SCML2: variants seen among roughly 807,000 people sequenced by gnomAD.
SCML2 encodes Scm polycomb group protein like 2.
In SCML2, 6 loss-of-function variants were observed where a neutral mutation model predicts 48.4. That is an observed-to-expected ratio of 0.12 (90% CI 0.07 to 0.24). SCML2 has a LOEUF of 0.24. Among genes scored for constraint, SCML2 ranks in the 10% least tolerant of loss-of-function variants. SCML2 has a pLI of 1.00. For missense variants in SCML2, 377 were observed against 528.2 expected (o/e 0.71, Z 2.81); for synonymous variants, 181 against 189.5 (o/e 0.95, Z 0.37).
At chrX:18,343,760 C>CAAAAAAAAAAAAA (rs1196514399) in intron 1 of SCML2, among the ~76,000 whole-genome samples, 2 of 38,462 alleles carry the variant, frequency 5.2e-5, no homozygotes, top group African/African-American at 9.5e-5. Context: ...GACTCTGTCT[C>CAAAAAAAAAAAAA]AAAAAAAAAA....
intron 8 of SCML2, among the ~76,000 whole-genome samples, chrX:18,263,837 C>T (rs1467886370): frequency 9.4e-6 from 1 of 106,534 alleles, no homozygotes; most frequent in Non-Finnish European, 1.9e-5. Context: ...TTCCTTTCAG[C>T]CCTTTAAAGA....
intron 6 of SCML2, among the ~76,000 whole-genome samples, chrX:18,315,175 A>G (rs1037078280): frequency 9.2e-6 from 1 of 109,100 alleles, no homozygotes; most frequent in South Asian, 4.0e-4. Flanking sequence ...TGGAGGATTT[A>G]ACATCTGACT....
rs183530140 is a variant in SCML2 at position 18,344,913 on chromosome X, C to T, written c.-25+9679G>A. ...AGAGATTCAATGATAATGGTGTTGGCAGTGGTGATACTACTACTCAGATCT... is the reference window on the plus strand; with the variant it reads ...AGAGATTCAATGATAATGGTGTTGGTAGTGGTGATACTACTACTCAGATCT... On this transcript the variant is annotated intron_variant, in intron 1 of 14. Transcript: ENST00000251900. Among the ~76,000 whole-genome samples the T allele has an allele frequency of 1.0e-3, 113 of 111,215 alleles. 1 individual carries two copies. Among genetic ancestry groups the T allele is most frequent in the African/African-American group, 3.4e-3 (105 of 30,670 alleles).
intron 7 of SCML2, among the ~76,000 whole-genome samples, chrX:18,279,649 T>C (rs1391844600): frequency 9.0e-6 from 1 of 111,370 alleles, no homozygotes; most frequent in Admixed American, 9.6e-5. Flanking sequence ...AAAGACAAAA[T>C]AGCCATTTTA....
In SCML2 at chrX:18,239,603, C is replaced by A. The variant is rs1472334031; in HGVS notation, c.*1648G>T. 8.9e-6 allele frequency: 1 copy of A among 112,911 alleles called. No homozygotes were observed. The highest frequency in any genetic ancestry group is 1.9e-5 in the Non-Finnish European group (1 of 53,347). 9.3% of individuals were successfully genotyped at this position (112,911 alleles called of 1,213,427 possible). A position where few individuals can be genotyped will look rare whatever the true frequency, so the allele number is the denominator to read the frequency against. On this transcript the variant is annotated 3_prime_UTR_variant, in exon 15 of 15. Coordinates refer to ENST00000251900, the MANE Select transcript of SCML2 (RefSeq NM_006089.3). ...TGGCATTTACAACAAATGGCTAATA[C>A]TTTTATAACTGATTCTCATAGCTTA...
intron 11 of SCML2, among the ~76,000 whole-genome samples, chrX:18,254,847 C>T (rs1926782897): frequency 9.0e-6 from 1 of 111,345 alleles, no homozygotes; most frequent in African/African-American, 3.3e-5. Context: ...TCACTTGAAC[C>T]CAGGAGGCGG....
At chrX:18,296,978 C>A (rs746585830) in intron 7 of SCML2, among the ~76,000 whole-genome samples, 1 of 111,222 alleles carries the variant, frequency 9.0e-6, no homozygotes, top group African/African-American at 3.3e-5. Flanking sequence ...AATTTCCCTA[C>A]GAACATAGAT....
chrX:18,271,480 G>A (rs1473867681), intron 7 of SCML2, among the ~76,000 whole-genome samples: 1 of 109,028 alleles, frequency 9.2e-6, no homozygotes, highest in Non-Finnish European at 1.9e-5. Context: ...GGACAACCTT[G>A]TGAACTCCTA....
chrX:18,245,131 T>C (rs1481319635), intron 13 of SCML2, among the ~76,000 whole-genome samples: 1 of 111,894 alleles, frequency 8.9e-6, no homozygotes, highest in Non-Finnish European at 1.9e-5. Context: ...CAATATAATG[T>C]AGGAGGCCAT....
chrX:18,260,857 C>T (rs1047346718), intron 8 of SCML2, among the ~76,000 whole-genome samples: 1 of 109,336 alleles, frequency 9.1e-6, no homozygotes. Context: ...CTATAAGAAC[C>T]AATGTTTCCT....
In SCML2 at chrX:18,336,311, C is replaced by T. The variant is rs1164056744; in HGVS notation, c.-24-2216G>A. 9.3e-5 allele frequency among the ~76,000 whole-genome samples: 10 copies of T among 108,037 alleles called. No individual in the cohort carries two copies. In the Admixed American group the frequency reaches 1.0e-3, roughly 11 times the overall value. The allele number at this position is 108,037 out of a possible 115,157, so 93.8% of individuals were successfully genotyped here. On this transcript the variant is annotated intron_variant, in intron 1 of 14. Coordinates refer to ENST00000251900, the MANE Select transcript of SCML2 (RefSeq NM_006089.3). ...AAAATTAGCTGGGCGTGGTGGCATG[C>T]ACCTGTAGTCCCAGCTACTTGGGAG...
intron 1 of SCML2, among the ~76,000 whole-genome samples, chrX:18,354,279 C>T (rs1930468349): frequency 8.8e-6 from 1 of 113,177 alleles, no homozygotes; most frequent in Non-Finnish European, 1.9e-5. Flanking sequence ...CCGGAGGGCG[C>T]TGTCGGCGCT....
intron 11 of SCML2, among the ~76,000 whole-genome samples, chrX:18,253,250 C>G (rs980608368): frequency 1.8e-5 from 2 of 111,565 alleles, no homozygotes; most frequent in African/African-American, 6.5e-5. Flanking sequence ...TCAGTCCCAA[C>G]CCAGCTCAAT....
upstream of SCML2, chrX:18,354,802 GC>G (rs903012932): frequency 2.3e-3 from 321 of 140,676 alleles, 2 homozygotes; most frequent in African/African-American, 9.3e-3. Flanking sequence ...CGCGTGCGGG[GC>G]CCGAGCCGGG....
intron 7 of SCML2, among the ~76,000 whole-genome samples, chrX:18,294,859 G>A (rs181041738): frequency 3.9e-4 from 43 of 111,138 alleles, no homozygotes; most frequent in Non-Finnish European, 7.7e-4. Context: ...CTACCTGGGA[G>A]GACTACTACT....
intron 7 of SCML2, among the ~76,000 whole-genome samples, chrX:18,267,969 T>C (rs1201058796): frequency 1.8e-5 from 2 of 112,188 alleles, no homozygotes; most frequent in African/African-American, 6.5e-5. Context: ...GCTTATAAGC[T>C]ACATGAGCTG....
At chrX:18,244,224 T>C (rs1371009957) in intron 13 of SCML2, among the ~76,000 whole-genome samples, 1 of 111,893 alleles carries the variant, frequency 8.9e-6, no homozygotes, top group Non-Finnish European at 1.9e-5. Flanking sequence ...GTGTAGACCA[T>C]GCTGTGCCTA....
At chrX:18,319,808 A>C (rs28635774) in intron 6 of SCML2, among the ~76,000 whole-genome samples, 2,342 of 111,264 alleles carry the variant, frequency 0.021, 58 homozygotes, top group African/African-American at 0.072. Flanking sequence ...AAGTGAGGTC[A>C]TAAGGGTCGG....
chrX:18,299,977 CA>C (rs988564453), intron 7 of SCML2, among the ~76,000 whole-genome samples: 1 of 110,735 alleles, frequency 9.0e-6, no homozygotes, highest in African/African-American at 3.3e-5. Context: ...TGGCTTCAAG[CA>C]ATCCTCCCAC....
Sources: allele counts gnomAD v4.1 joint callset (sites outside exome capture counted in the v4.1 genomes callset), GRCh38; gene constraint gnomAD v4.1.1; transcripts MANE v1.5; gene names NCBI Gene and HGNC (gene_info 2026-07-23, HGNC 2026-07-21).